The following STIM1 variants were observed in gnomAD, a reference collection of about 807,000 sequenced individuals.
STIM1 encodes the protein stromal interaction molecule 1.
In STIM1, 25 loss-of-function variants were observed where a neutral mutation model predicts 74.7. The ratio of observed to expected loss-of-function variants is 0.33; its 90% CI spans 0.24 to 0.47. STIM1 has a LOEUF of 0.47. STIM1 is among the 20% of genes least tolerant of loss of function. The probability of loss-of-function intolerance (pLI) is 1.00; values close to 1 mark genes in which losing one functional copy is unlikely to be tolerated. For synonymous variants in STIM1, 328 were observed against 348.8 expected (o/e 0.94, Z 0.66); for missense variants, 728 against 920.8 (o/e 0.79, Z 2.71).
At chr11:3,974,513 C>CA (rs554777497) in intron 2 of STIM1, among the ~76,000 whole-genome samples, 5,482 of 70,036 alleles carry the variant, frequency 0.078, 144 homozygotes, top group South Asian at 0.12. Context: ...CTATCTCTAC[C>CA]AAAAAAAAAA....
At chr11:3,953,756 C>G (rs940409444) in intron 1 of STIM1, among the ~76,000 whole-genome samples, 10 of 149,970 alleles carry the variant, frequency 6.7e-5, no homozygotes, top group African/African-American at 2.2e-4. Flanking sequence ...TTTGCAAGAT[C>G]GGTATTGACT....
intron 2 of STIM1, among the ~76,000 whole-genome samples, chr11:3,977,720 A>T (rs1303051673): frequency 6.6e-6 from 1 of 152,214 alleles, no homozygotes; most frequent in Non-Finnish European, 1.5e-5. Context: ...CTTACTGGCT[A>T]TACAACTTTA....
At chr11:3,982,803 A>G (rs1226646332) in intron 2 of STIM1, among the ~76,000 whole-genome samples, 2 of 152,240 alleles carry the variant, frequency 1.3e-5, no homozygotes, top group East Asian at 1.9e-4. Flanking sequence ...ATGTTTTTTA[A>G]AAAAGTGTCA....
At chr11:3,856,475 G>T in intron 1 of STIM1, 66 bp downstream of exon 1, 2 of 1,564,890 alleles carry the variant, frequency 1.3e-6, no homozygotes, top group Non-Finnish European at 1.7e-6. Flanking sequence ...GCCCGAAGTG[G>T]GCAAGTTGAA....
intron 1 of STIM1, among the ~76,000 whole-genome samples, chr11:3,928,939 C>T (rs191452338): frequency 3.3e-5 from 5 of 152,304 alleles, no homozygotes; most frequent in South Asian, 2.1e-4. Context: ...GGAGCAATCT[C>T]GGCTCACTGC....
intron 5 of STIM1, among the ~76,000 whole-genome samples, chr11:4,060,675 A>G (rs539632878): frequency 2.6e-5 from 4 of 152,338 alleles, no homozygotes; most frequent in Non-Finnish European, 5.9e-5. Flanking sequence ...GTCATTCACT[A>G]ACCTTTACTG....
At chr11:3,998,062 G>A (rs893801081) in intron 2 of STIM1, among the ~76,000 whole-genome samples, 1 of 152,238 alleles carries the variant, frequency 6.6e-6, no homozygotes, top group East Asian at 1.9e-4. Context: ...AGGATTGTAC[G>A]TTCTTTTAGT....
chr11:4,045,002 T>C (rs183157016), intron 3 of STIM1, among the ~76,000 whole-genome samples: 21 of 152,250 alleles, frequency 1.4e-4, no homozygotes, highest in East Asian at 5.8e-4. Context: ...TAAAATGTCA[T>C]TGGGGCAGAG....
chr11:3,974,972 A>T (rs993512362), intron 2 of STIM1, among the ~76,000 whole-genome samples: 1 of 152,192 alleles, frequency 6.6e-6, no homozygotes, highest in Non-Finnish European at 1.5e-5. Flanking sequence ...CTACATGGCA[A>T]ATCAGGGCAT....
At chr11:4,005,744 A>G (rs1224032489) in intron 2 of STIM1, among the ~76,000 whole-genome samples, 4 of 152,128 alleles carry the variant, frequency 2.6e-5, no homozygotes, top group Non-Finnish European at 4.4e-5. Context: ...ATAATAAAAA[A>G]GATTATTCTA....
intron 2 of STIM1, among the ~76,000 whole-genome samples, chr11:4,012,936 G>A (rs1054474345): frequency 3.9e-5 from 6 of 152,150 alleles, no homozygotes; most frequent in Admixed American, 1.3e-4. Context: ...TAGCATGAAA[G>A]GCTGTTGAAT....
chr11:4,084,348 C>T (rs1053874559), intron 10 of STIM1, among the ~76,000 whole-genome samples: 2 of 152,234 alleles, frequency 1.3e-5, no homozygotes, highest in African/African-American at 4.8e-5. Flanking sequence ...ATTCTTTAAT[C>T]AGGCTGGATT....
At chr11:3,872,595 C>A (rs1407266876) in intron 1 of STIM1, among the ~76,000 whole-genome samples, 1 of 147,994 alleles carries the variant, frequency 6.8e-6, no homozygotes, top group Admixed American at 6.8e-5. Flanking sequence ...AATCTCGGCT[C>A]ACTGCAAGCT....
In STIM1 at chr11:3,856,149, C is replaced by A; in HGVS notation, c.-122C>A. 7.3e-7 allele frequency: 1 copy of A among 1,361,804 alleles called. No individual in the cohort carries two copies. Among genetic ancestry groups the A allele is most frequent in the Non-Finnish European group, 1.0e-6 (1 of 968,102 alleles). The allele number at this position is 1,361,804 out of a possible 1,614,324, so 84.4% of individuals were successfully genotyped here. A position where few individuals can be genotyped will look rare whatever the true frequency, so the allele number is the denominator to read the frequency against. On this transcript the variant is annotated 5_prime_UTR_variant, in exon 1 of 13. Transcript: ENST00000526596. ...GGGGGCAGGCTCGCGGGTGGCTGGA[C>A]AGCTGCGGAGCCGCGAGGGCATCTT...
At chr11:4,008,215 C>T (rs79800975) in intron 2 of STIM1, among the ~76,000 whole-genome samples, 172 of 152,194 alleles carry the variant, frequency 1.1e-3, no homozygotes, top group Middle Eastern at 6.8e-3. Flanking sequence ...ATATTGAGTA[C>T]AGTAACATGT....
chr11:3,934,745 G>A (rs1438541852), intron 1 of STIM1, among the ~76,000 whole-genome samples: 2 of 152,148 alleles, frequency 1.3e-5, no homozygotes, highest in African/African-American at 4.8e-5. Context: ...TCACTGTTTT[G>A]TGTATCTCCC....
chr11:3,933,532 A>T (rs537200654), intron 1 of STIM1, among the ~76,000 whole-genome samples: 1 of 152,268 alleles, frequency 6.6e-6, no homozygotes, highest in African/African-American at 2.4e-5. Context: ...GTAGTTACAG[A>T]CTTCAGATCT....
intron 1 of STIM1, among the ~76,000 whole-genome samples, chr11:3,880,018 C>A (rs2091442553): frequency 6.6e-6 from 1 of 152,130 alleles, no homozygotes; most frequent in African/African-American, 2.4e-5. Flanking sequence ...CATGGAGATC[C>A]AGGAAGCAGG....
At chr11:4,010,275 ATTG>A (rs1288546729) in intron 2 of STIM1, among the ~76,000 whole-genome samples, 1 of 151,586 alleles carries the variant, frequency 6.6e-6, no homozygotes, top group Non-Finnish European at 1.5e-5. Flanking sequence ...GGTTTAAGCA[ATTG>A]TTGTGCCTCA....
Sources: gnomAD v4.1 joint callset for allele counts (sites outside exome capture counted in the v4.1 genomes callset) on GRCh38, gnomAD v4.1.1 for gene constraint, MANE v1.5 for transcripts, NCBI Gene and HGNC (gene_info 2026-07-23, HGNC 2026-07-21) for gene names.